Variants in ARL16 observed in about 807,000 individuals in gnomAD.
The protein encoded by ARL16 is ARF like GTPase 16.
ARL16 carries 21 observed loss-of-function variants against 14.1 expected under a neutral mutation model. That is an observed-to-expected ratio of 1.48 (90% CI 1.05 to 2.14). ARL16 has a LOEUF of 2.14. Ranked by LOEUF, ARL16 falls within the 30% of genes most tolerant of loss-of-function variation. ARL16 has a pLI of 0.00. For synonymous variants in ARL16, 122 were observed against 91.8 expected (o/e 1.33, Z -1.88); for missense variants, 248 against 222.0 (o/e 1.12, Z -0.74).
chr17:81,683,400 T>C, intron 2 of ARL16, 136 bp downstream of exon 2: 2 of 1,205,202 alleles, frequency 1.7e-6, no homozygotes, highest in African/African-American at 3.1e-5. Context: ...GCTCGGGCCG[T>C]CCCCCGCTCC....
intron 3 of ARL16, chr17:81,682,784 G>A: frequency 3.5e-6 from 2 of 572,458 alleles, no homozygotes; most frequent in Admixed American, 3.2e-5. Context: ...CAGCAGCCCT[G>A]CCCTCAGCAA....
chr17:81,682,698 G>A (rs1489261195), intron 3 of ARL16: 1 of 364,280 alleles, frequency 2.7e-6, no homozygotes, highest in Non-Finnish European at 5.0e-6. Context: ...AGACCAACCA[G>A]AGGTACGTAT....
In ARL16 at chr17:81,683,352, G is replaced by A. The variant is rs560348794; in HGVS notation, c.120+184C>T. The A allele has an allele frequency of 1.4e-5, 13 of 917,964 alleles. No individual in the cohort carries two copies. In the East Asian group the frequency reaches 3.3e-4, roughly 23 times the overall value. 56.9% of individuals were successfully genotyped at this position (917,964 alleles called of 1,614,324 possible). ...CGAGGGGAGAGGAAGTGCCCGTGGA[G>A]GGCGGCAGGCCCCCTCATCCCGCGC... On this transcript the variant is annotated intron_variant, in intron 2 of 4. Coordinates refer to ENST00000622299, the MANE Select transcript of ARL16 (RefSeq NM_001040025.3).
intron 2 of ARL16, 118 bp downstream of exon 2, chr17:81,683,418 T>C: frequency 7.6e-7 from 1 of 1,309,838 alleles, no homozygotes; most frequent in Admixed American, 3.0e-5. Context: ...TCCCGAAGGC[T>C]GGCCTTAAGT....
rs1299333230 is a variant in ARL16 at position 81,683,483 on chromosome 17, G to A, written c.120+53C>T. On this transcript the variant is annotated intron_variant, in intron 2 of 4. Transcript: ENST00000622299. ...CACTTAGAGGAGCCCGGAGCTCTTCGCCAAGCGCAGAACTGACCCCCCGCA... is the reference window on the plus strand; with the variant it reads ...CACTTAGAGGAGCCCGGAGCTCTTCACCAAGCGCAGAACTGACCCCCCGCA... 4 of 1,481,176 alleles carry A rather than the reference G, an allele frequency of 2.7e-6. No individual in the cohort carries two copies. The African/African-American group carries it at 5.6e-5, about 21-fold the overall frequency. 91.8% of individuals were successfully genotyped at this position (1,481,176 alleles called of 1,614,324 possible).
At position 81,682,329 on chromosome 17, in the gene ARL16, G is replaced by A. The variant is rs1242392474; in HGVS notation, c.235-180C>T. The stretch of plus-strand genomic sequence containing the variant: ...TCGGCTCACTGAAACTCCGCCTCCA[G>A]GGTTCAGGGTTCAAGTGATTCTCCT... On this transcript the variant is annotated intron_variant, in intron 3 of 4. Coordinates refer to ENST00000622299, the MANE Select transcript of ARL16 (RefSeq NM_001040025.3). 3 of 480,378 alleles carry A rather than the reference G, an allele frequency of 6.2e-6. No individual in the cohort carries two copies. In the Admixed American group the frequency reaches 1.2e-4, roughly 19 times the overall value. 29.8% of individuals were successfully genotyped at this position (480,378 alleles called of 1,614,324 possible).
Position 81,683,610 on chromosome 17 carries a change from G to T in ARL16, c.62-16C>A. On this transcript the variant is annotated splice_polypyrimidine_tract_variant and intron_variant, in intron 1 of 4. Transcript: ENST00000622299. The stretch of plus-strand genomic sequence containing the variant: ...GAGCTCACCTGTGCGAAGCGGTCAA[G>T]GACCCGAGCAGCTAAAGGGTGAGTC... The T allele has an allele frequency of 6.3e-7, 1 of 1,598,450 alleles. No homozygotes were observed. Among genetic ancestry groups the T allele is most frequent in the Non-Finnish European group, 8.5e-7 (1 of 1,175,234 alleles).
In ARL16 at chr17:81,682,455, G is replaced by A. The variant is rs1245384140; in HGVS notation, c.235-306C>T. On this transcript the variant is annotated intron_variant, in intron 3 of 4. Coordinates refer to ENST00000622299, the MANE Select transcript of ARL16 (RefSeq NM_001040025.3). Reference sequence around the variant, plus strand: ...GACGGGGTTTCACCATGTTAGTCAGGATGGTCTCCATCTCCTGACCTCGTG... The same window carrying A: ...GACGGGGTTTCACCATGTTAGTCAGAATGGTCTCCATCTCCTGACCTCGTG... 2.8e-5 allele frequency: 6 copies of A among 216,118 alleles called. No homozygotes were observed. In the East Asian group the frequency reaches 7.8e-4, roughly 28 times the overall value. The allele number at this position is 216,118 out of a possible 1,614,324, so 13.4% of individuals were successfully genotyped here. A position where few individuals can be genotyped will look rare whatever the true frequency, so the allele number is the denominator to read the frequency against.
In ARL16 at chr17:81,683,126, C is replaced by A. The variant is rs1039658728; in HGVS notation, c.121G>T (p.Val41Leu). ...ACGATGTCAGTAAGATTGGTGCCCACCTATAGGAAAAACCACGATGCAAAA... is the reference window on the plus strand; with the variant it reads ...ACGATGTCAGTAAGATTGGTGCCCAACTATAGGAAAAACCACGATGCAAAA... The part of the protein sequence containing the change: ...LGEPPPTRPT[V>L]GTNLTDIVAQ... The change falls in exon 3 of 5, where the codon GTG becomes TTG. Residue 41 changes from valine to leucine, a missense_variant and splice_region_variant. Physicochemically the swap from Val to Leu is conservative, Grantham distance 32. Coordinates refer to ENST00000622299, the MANE Select transcript of ARL16 (RefSeq NM_001040025.3). 2 of 1,603,730 alleles carry A rather than the reference C, an allele frequency of 1.2e-6. No homozygotes were observed. Among genetic ancestry groups the A allele is most frequent in the African/African-American group, 2.7e-5 (2 of 74,088 alleles).
At chr17:81,682,216 C>T (rs2036861808) in intron 3 of ARL16, 67 bp from the exon 4 acceptor site, 1 of 1,228,092 alleles carries the variant, frequency 8.1e-7, no homozygotes. Flanking sequence ...GCCTCACAGA[C>T]CTGGCACTGG....
intron 1 of ARL16, 21 bp downstream of exon 1, chr17:81,683,672 C>T (rs768437046): frequency 2.5e-6 from 4 of 1,597,168 alleles, no homozygotes; most frequent in East Asian, 2.3e-5. Context: ...GCCCCGGTCC[C>T]GTCCCCGCGC....
intron 3 of ARL16, chr17:81,682,812 A>G: frequency 1.7e-6 from 1 of 587,944 alleles, no homozygotes; most frequent in Non-Finnish European, 3.0e-6. Flanking sequence ...GTGAGCTCCT[A>G]CCGGGGGCCT....
At position 81,682,999 on chromosome 17, in the gene ARL16, G is replaced by A. The variant is rs777106788; in HGVS notation, c.234+14C>T. The A allele has an allele frequency of 1.2e-6, 2 of 1,607,966 alleles. No individual in the cohort carries two copies. The highest frequency in any genetic ancestry group is 1.1e-5 in the South Asian group (1 of 90,936). ...CACTTCCCTAAAGGAAGCCCATATA[G>A]GATTACAACCCACCAGGAGAGAACG... On this transcript the variant is annotated intron_variant, in intron 3 of 4. Coordinates refer to ENST00000622299, the MANE Select transcript of ARL16 (RefSeq NM_001040025.3).
intron 3 of ARL16, 66 bp from the exon 4 acceptor site, chr17:81,682,215 AC>A: frequency 8.1e-7 from 1 of 1,234,342 alleles, no homozygotes; most frequent in South Asian, 1.5e-5. Context: ...GGCCTCACAG[AC>A]CTGGCACTGG....
intron 3 of ARL16, chr17:81,682,676 C>G (rs2036873119): frequency 9.5e-6 from 3 of 317,324 alleles, no homozygotes; most frequent in African/African-American, 2.2e-5. Context: ...CGGCACAGGC[C>G]TTATCAAGAT....
In ARL16 at chr17:81,681,487, C is replaced by A. The variant is rs1598738303; in HGVS notation, c.*221G>T. 6 of 543,532 alleles carry A rather than the reference C, an allele frequency of 1.1e-5. No individual in the cohort carries two copies. Among genetic ancestry groups the A allele is most frequent in the Non-Finnish European group, 1.9e-5 (6 of 318,800 alleles). 33.7% of individuals were successfully genotyped at this position (543,532 alleles called of 1,614,324 possible). ...AAGTGCTGGGATTACAGGTGTGAGC[C>A]ACCATGCCTAGCCCCTGGGGACACT... On this transcript the variant is annotated 3_prime_UTR_variant, in exon 5 of 5. Transcript: ENST00000622299.
Position 81,681,897 on chromosome 17 carries a change from C to T in ARL16, c.351-18G>A. 1 of 1,607,638 alleles carries T rather than the reference C, an allele frequency of 6.2e-7. No individual in the cohort carries two copies. The highest frequency in any genetic ancestry group is 8.5e-7 in the Non-Finnish European group (1 of 1,177,064). ...GTAGGTCGCTGGAGAGAAAGAGGTGCCCCATCAGAGCAGTGGCAGCCACAC... is the reference window on the plus strand; with the variant it reads ...GTAGGTCGCTGGAGAGAAAGAGGTGTCCCATCAGAGCAGTGGCAGCCACAC... On this transcript the variant is annotated intron_variant, in intron 4 of 4. Transcript: ENST00000622299.
chr17:81,681,962 GC>G (rs2036854106), intron 4 of ARL16, 71 bp downstream of exon 4: 2 of 1,563,766 alleles, frequency 1.3e-6, no homozygotes, highest in Non-Finnish European at 8.7e-7. Context: ...TCCCTACCGA[GC>G]CATGCTTCCG....
intron 3 of ARL16, chr17:81,682,470 C>G (rs1027948521): frequency 5.0e-6 from 1 of 199,026 alleles, no homozygotes; most frequent in Non-Finnish European, 1.0e-5. Context: ...TCTCCATCTC[C>G]TGACCTCGTG....
Sources: allele counts gnomAD v4.1 joint callset, GRCh38; gene constraint gnomAD v4.1.1; transcripts MANE v1.5; gene names NCBI Gene and HGNC (gene_info 2026-07-23, HGNC 2026-07-21).